Variants in SH3PXD2B observed in about 807,000 individuals in gnomAD.
SH3PXD2B encodes the protein SH3 and PX domains 2B, also known as SH3 and PX domain-containing protein 2B.
Under a neutral mutation model 73.1 loss-of-function variants are expected in SH3PXD2B, and 37 were observed. That is an observed-to-expected ratio of 0.51 (90% CI 0.39 to 0.67). SH3PXD2B has a LOEUF of 0.67. Ranked by LOEUF, SH3PXD2B falls within the 30% of genes least tolerant of loss-of-function variation. The probability of loss-of-function intolerance (pLI) is 0.00; values close to 1 mark genes in which losing one functional copy is unlikely to be tolerated. For synonymous variants in SH3PXD2B, 457 were observed against 480.5 expected (o/e 0.95, Z 0.64); for missense variants, 1,053 against 1,197.8 (o/e 0.88, Z 1.78).
chr5:172,411,460 T>C (rs1758691826), intron 2 of SH3PXD2B, among the ~76,000 whole-genome samples: 1 of 152,328 alleles, frequency 6.6e-6, no homozygotes, highest in East Asian at 1.9e-4. Flanking sequence ...TTGTTTTATT[T>C]GTTGGAGGTG....
In SH3PXD2B at chr5:172,337,030, G is replaced by A. The variant is rs1756715300; in HGVS notation, c.*1339C>T. On this transcript the variant is annotated 3_prime_UTR_variant, in exon 13 of 13. Coordinates refer to ENST00000311601, the MANE Select transcript of SH3PXD2B (RefSeq NM_001017995.3). ...GCTATGCTCAGAGCCCTCCAGGCTGGCCCTCGAGGCCACCTCAGCTCCCGT... is the reference window on the plus strand; with the variant it reads ...GCTATGCTCAGAGCCCTCCAGGCTGACCCTCGAGGCCACCTCAGCTCCCGT... The A allele has an allele frequency of 4.4e-5, 43 of 985,418 alleles. No individual in the cohort carries two copies. The highest frequency in any genetic ancestry group is 5.2e-5 in the Non-Finnish European group (43 of 830,024). The allele number at this position is 985,418 out of a possible 1,614,324, so 61.0% of individuals were successfully genotyped here. A position where few individuals can be genotyped will look rare whatever the true frequency, so the allele number is the denominator to read the frequency against.
At chr5:172,350,099 C>A (rs554897852) in intron 10 of SH3PXD2B, among the ~76,000 whole-genome samples, 30 of 152,292 alleles carry the variant, frequency 2.0e-4, no homozygotes, top group African/African-American at 7.2e-4. Flanking sequence ...AGGTGATCGG[C>A]CTGCCTCGGC....
intron 2 of SH3PXD2B, among the ~76,000 whole-genome samples, chr5:172,412,503 G>A (rs781536543): frequency 3.3e-5 from 5 of 152,142 alleles, no homozygotes; most frequent in African/African-American, 4.8e-5. Flanking sequence ...ATTTTATTTC[G>A]TTTTCTTCAT....
chr5:172,448,302 G>T (rs1336292312), intron 1 of SH3PXD2B, among the ~76,000 whole-genome samples: 1 of 152,178 alleles, frequency 6.6e-6, no homozygotes, highest in Non-Finnish European at 1.5e-5. Context: ...TTTAGATCAC[G>T]ACTATTATTA....
chr5:172,339,851 C>A lies in SH3PXD2B; in HGVS notation c.1254G>T (p.Pro418=). The A allele has an allele frequency of 6.2e-7, 1 of 1,614,248 alleles. No homozygotes were observed. Among genetic ancestry groups the A allele is most frequent in the Non-Finnish European group, 8.5e-7 (1 of 1,180,052 alleles). The change falls in exon 13 of 13, where the codon CCG becomes CCT. Residue 418 remains proline, a synonymous_variant. Transcript: ENST00000311601. The surrounding 1 kb of genome is among the most constrained non-coding windows in gnomAD (Gnocchi z 6.1). ...TCTTGTACTTGTCAATGAAGGTGGC[C>A]GGGGCCCACCCTTCCTTATCTTCAA... ...IQIEDKEGWA[P]ATFIDKYKKT...
intron 1 of SH3PXD2B, among the ~76,000 whole-genome samples, chr5:172,435,565 G>A (rs528965240): frequency 1.8e-4 from 27 of 152,254 alleles, no homozygotes; most frequent in African/African-American, 6.3e-4. Context: ...TGGAATTACA[G>A]GCATGCACCA....
intron 10 of SH3PXD2B, among the ~76,000 whole-genome samples, chr5:172,348,843 A>G (rs1324264656): frequency 6.6e-6 from 1 of 152,044 alleles, no homozygotes; most frequent in African/African-American, 2.4e-5. Context: ...AGTAGCTGGG[A>G]CTACAGGTGT....
chr5:172,325,249 C>A, exon 13 of SH3PXD2B: 2 of 1,483,872 alleles, frequency 1.3e-6, no homozygotes, highest in South Asian at 2.5e-5. Flanking sequence ...AATTCATGTT[C>A]ACAGCAGCAA....
In SH3PXD2B at chr5:172,347,400, G is replaced by A. The variant is rs779446724; in HGVS notation, c.1013-68C>T. On this transcript the variant is annotated intron_variant, in intron 10 of 12. Transcript: ENST00000311601. ...AGATTCCTGAGCTGGGTGCCAGGTC[G>A]GGTCTATTTTCTCCTGCAGAAGATT... 144 of 1,523,022 alleles carry A rather than the reference G, an allele frequency of 9.5e-5. 1 individual carries two copies. Among genetic ancestry groups the A allele is most frequent in the Non-Finnish European group, 1.2e-4 (137 of 1,099,246 alleles). 94.3% of individuals were successfully genotyped at this position (1,523,022 alleles called of 1,614,324 possible).
rs1011723006 is a variant in SH3PXD2B, at chr5:172,333,781, TAAGA to T, written c.*4584_*4587del. ...AGTGCCCACTGTTCCTGGAGGGAGG[TAAGA>T]AATGGCCTGTTACTTGGAAGCTCCC... On this transcript the variant is annotated 3_prime_UTR_variant, in exon 13 of 13. Coordinates refer to ENST00000311601, the MANE Select transcript of SH3PXD2B (RefSeq NM_001017995.3). 7.8e-7 allele frequency: 1 copy of T among 1,288,482 alleles called. No homozygotes were observed. Among genetic ancestry groups the T allele is most frequent in the Non-Finnish European group, 1.0e-6 (1 of 988,572 alleles). The allele number at this position is 1,288,482 out of a possible 1,614,324, so 79.8% of individuals were successfully genotyped here. A position where few individuals can be genotyped will look rare whatever the true frequency, so the allele number is the denominator to read the frequency against.
rs111920335 is a variant in SH3PXD2B at position 172,420,705 on chromosome 5, T to C, written c.156+1711A>G. On this transcript the variant is annotated intron_variant, in intron 2 of 12. Coordinates refer to ENST00000311601, the MANE Select transcript of SH3PXD2B (RefSeq NM_001017995.3). ...CAGGGACCCCGGCAAGCCCATTGGCTGCGACATTTCTCACTCATATTGATT... is the reference window on the plus strand; with the variant it reads ...CAGGGACCCCGGCAAGCCCATTGGCCGCGACATTTCTCACTCATATTGATT... Among the ~76,000 whole-genome samples the C allele has an allele frequency of 3.0e-3, 459 of 152,362 alleles. 4 individuals carry two copies. The highest frequency in any genetic ancestry group is 0.01 in the African/African-American group (431 of 41,578).
chr5:172,377,867 G>C (rs182517211), intron 5 of SH3PXD2B, among the ~76,000 whole-genome samples: 1 of 152,192 alleles, frequency 6.6e-6, no homozygotes, highest in Non-Finnish European at 1.5e-5. Flanking sequence ...ATGGGTGCCT[G>C]TGTACCCACA....
At chr5:172,386,521 G>A (rs970238366) in intron 4 of SH3PXD2B, among the ~76,000 whole-genome samples, 9 of 152,164 alleles carry the variant, frequency 5.9e-5, no homozygotes, top group Non-Finnish European at 1.0e-4. Context: ...CAGAGCCTCC[G>A]GTAGGCAGGT....
chr5:172,334,748 C>T lies in SH3PXD2B; in HGVS notation c.*3621G>A, dbSNP rs886060410. 8 of 985,386 alleles carry T rather than the reference C, an allele frequency of 8.1e-6. No individual in the cohort carries two copies. Among genetic ancestry groups the T allele is most frequent in the East Asian group, 1.1e-4 (1 of 8,810 alleles). 61.0% of individuals were successfully genotyped at this position (985,386 alleles called of 1,614,324 possible). ...CTCTGTGCTGGGTACTTGGGAGAGG[C>T]GAAATAAATACCAGACTGTCCACTC... is the stretch of plus-strand genomic sequence containing the variant. On this transcript the variant is annotated 3_prime_UTR_variant, in exon 13 of 13. Transcript: ENST00000311601.
At chr5:172,408,168 T>G (rs1758605528) in intron 2 of SH3PXD2B, among the ~76,000 whole-genome samples, 1 of 152,074 alleles carries the variant, frequency 6.6e-6, no homozygotes, top group African/African-American at 2.4e-5. Context: ...TTTCCTTCTC[T>G]CTTTTTTCCC....
At position 172,364,396 on chromosome 5, in the gene SH3PXD2B, G is replaced by A. The variant is rs1757464158; in HGVS notation, c.428-1527C>T. Among the ~76,000 whole-genome samples, 2 of 152,184 alleles carry A rather than the reference G, an allele frequency of 1.3e-5. 1 individual carries two copies. Among genetic ancestry groups the A allele is most frequent in the South Asian group, 4.1e-4 (2 of 4,828 alleles). ...ATACACCCAATTGGCCAGGCGTGGT[G>A]GCTCATGTCTGTAATCCCAGCGCTT... On this transcript the variant is annotated intron_variant, in intron 6 of 12. Coordinates refer to ENST00000311601, the MANE Select transcript of SH3PXD2B (RefSeq NM_001017995.3).
chr5:172,408,930 T>C (rs1240336926), intron 2 of SH3PXD2B, among the ~76,000 whole-genome samples: 2 of 152,202 alleles, frequency 1.3e-5, no homozygotes, highest in African/African-American at 2.4e-5. Context: ...GTAATGTTGA[T>C]TCACATAATA....
rs960400660 is a variant in SH3PXD2B at position 172,353,043 on chromosome 5, A to G, written c.785+845T>C. On this transcript the variant is annotated intron_variant, in intron 9 of 12. Coordinates refer to ENST00000311601, the MANE Select transcript of SH3PXD2B (RefSeq NM_001017995.3). This position sits in a 1 kb window ranked among gnomAD's most constrained non-coding sequence, Gnocchi z 4.3. Reference sequence around the variant, plus strand: ...CCAACCCTCTGCTCTATCACCGTTTATGAGTTTGTCTTCTGTACCAGGTGG... The same window carrying G: ...CCAACCCTCTGCTCTATCACCGTTTGTGAGTTTGTCTTCTGTACCAGGTGG... Among the ~76,000 whole-genome samples the G allele has an allele frequency of 1.3e-5, 2 of 151,948 alleles. No individual in the cohort carries two copies. The highest frequency in any genetic ancestry group is 4.8e-5 in the African/African-American group (2 of 41,350).
chr5:172,373,935 AT>A, intron 5 of SH3PXD2B, 120 bp from the exon 6 acceptor site: 1 of 1,146,938 alleles, frequency 8.7e-7, no homozygotes, highest in Non-Finnish European at 1.3e-6. Flanking sequence ...CAGTGAATGA[AT>A]AAAATCCAGG....
Sources: gnomAD v4.1 joint callset for allele counts (sites outside exome capture counted in the v4.1 genomes callset) on GRCh38, gnomAD v4.1.1 for gene constraint, Gnocchi (gnomAD v3.1) non-coding constraint, MANE v1.5 for transcripts, NCBI Gene and HGNC (gene_info 2026-07-23, HGNC 2026-07-21) for gene names.